The following UBE2B variants were observed in gnomAD, a reference collection of about 807,000 sequenced individuals.
UBE2B encodes the protein ubiquitin conjugating enzyme E2 B.
A neutral mutation model predicts 24.6 loss-of-function variants in UBE2B; 11 were observed. That is an observed-to-expected ratio of 0.45 (90% CI 0.28 to 0.74). The LOEUF is 0.74. Ranked by LOEUF, UBE2B falls within the 30% of genes least tolerant of loss-of-function variation. The pLI is 0.13. For missense variants in UBE2B, 78 were observed against 185.6 expected (o/e 0.42, Z 3.37); for synonymous variants, 68 against 62.4 (o/e 1.09, Z -0.42).
At chr5:134,371,959 C>T (rs1446802499) in intron 1 of UBE2B, among the ~76,000 whole-genome samples, 1 of 152,246 alleles carries the variant, frequency 6.6e-6, no homozygotes, top group Admixed American at 6.5e-5. Flanking sequence ...TCCGCCCGCC[C>T]CTGCACCCTG....
At chr5:134,389,187 ATCCGCCCG>A (rs2149694300) in intron 5 of UBE2B, 1 of 171,114 alleles carries the variant, frequency 5.8e-6, no homozygotes, top group Admixed American at 6.0e-5. Context: ...TGACCTCATG[ATCCGCCCG>A]TCTGAGCCTC....
chr5:134,376,348 A>AAAAAATATATATATATATATATAT (rs1554114145), intron 2 of UBE2B, among the ~76,000 whole-genome samples: 2 of 4,776 alleles, frequency 4.2e-4, no homozygotes, highest in Non-Finnish European at 5.5e-4. Context: ...AAAAAAAAAA[A>AAAAAATATATATATATATATATAT]ATATATATAT....
chr5:134,383,476 T>C (rs1474152301), intron 4 of UBE2B, among the ~76,000 whole-genome samples: 1 of 131,030 alleles, frequency 7.6e-6, no homozygotes, highest in African/African-American at 3.0e-5. Flanking sequence ...TACCCAGCTT[T>C]TTTTTTTTTT....
intron 2 of UBE2B, among the ~76,000 whole-genome samples, chr5:134,376,347 AAATATATAT>A (rs1304457606): frequency 1.8e-5 from 1 of 54,858 alleles, no homozygotes; most frequent in Non-Finnish European, 3.7e-5. Context: ...AAAAAAAAAA[AAATATATAT>A]ATATATATAC....
At chr5:134,386,203 C>T (rs1758798576) in intron 4 of UBE2B, among the ~76,000 whole-genome samples, 1 of 149,684 alleles carries the variant, frequency 6.7e-6, no homozygotes, top group Non-Finnish European at 1.5e-5. Flanking sequence ...TTGTACATGC[C>T]TGTGATCCCA....
chr5:134,390,458 GAAAAA>G lies in UBE2B; in HGVS notation c.*109_*113del. On this transcript the variant is annotated 3_prime_UTR_variant, in exon 6 of 6. Coordinates refer to ENST00000265339, the MANE Select transcript of UBE2B (RefSeq NM_003337.4). The surrounding 1 kb of genome is among the most constrained non-coding windows in gnomAD (Gnocchi z 4.6). ...TGCCACAGGTTTTAAGGATTCTGCAGAAAAAAAAGAAAAAAGTCCTTCAGTTTAGA... is the reference window on the plus strand; with the variant it reads ...TGCCACAGGTTTTAAGGATTCTGCAGAAAGAAAAAAGTCCTTCAGTTTAGA... 1.4e-6 allele frequency: 2 copies of G among 1,392,818 alleles called. No homozygotes were observed. The highest frequency in any genetic ancestry group is 2.0e-6 in the Non-Finnish European group (2 of 1,016,896). The allele number at this position is 1,392,818 out of a possible 1,614,324, so 86.3% of individuals were successfully genotyped here.
intron 1 of UBE2B, 56 bp from the exon 2 acceptor site, chr5:134,374,327 G>C: frequency 6.7e-7 from 1 of 1,494,452 alleles, no homozygotes; most frequent in Non-Finnish European, 9.1e-7. Context: ...GTGTTTACGT[G>C]GCCTCCTTAG....
intron 4 of UBE2B, among the ~76,000 whole-genome samples, chr5:134,387,319 C>T (rs933240923): frequency 1.6e-4 from 24 of 152,078 alleles, no homozygotes; most frequent in African/African-American, 5.3e-4. Flanking sequence ...TGCATGTCCA[C>T]GTTTATTTCC....
intron 4 of UBE2B, among the ~76,000 whole-genome samples, chr5:134,385,977 C>T (rs1288084636): frequency 1.3e-5 from 2 of 151,030 alleles, no homozygotes; most frequent in African/African-American, 4.9e-5. Context: ...CACGCCACTG[C>T]ACTCCAGCCT....
At chr5:134,380,001 C>T (rs1424217853) in intron 3 of UBE2B, among the ~76,000 whole-genome samples, 7 of 152,158 alleles carry the variant, frequency 4.6e-5, no homozygotes, top group South Asian at 4.1e-4. Flanking sequence ...CAGCAACCTC[C>T]GCCTCCCAGG....
chr5:134,379,475 G>A (rs1758668700), intron 3 of UBE2B, among the ~76,000 whole-genome samples: 2 of 151,760 alleles, frequency 1.3e-5, no homozygotes, highest in South Asian at 2.1e-4. Context: ...GTGAAACGTC[G>A]TCTCTACTAA....
rs1273155160 is a variant in UBE2B, at chr5:134,390,361, C to A, written c.*8C>A. ...AGCTGGAATGATTCATAATAGACAA[C>A]TGGTCTGTTAATCTTTTTCATCATT... On this transcript the variant is annotated 3_prime_UTR_variant, in exon 6 of 6. Coordinates refer to ENST00000265339, the MANE Select transcript of UBE2B (RefSeq NM_003337.4). This position sits in a 1 kb window ranked among gnomAD's most constrained non-coding sequence, Gnocchi z 4.6. The A allele has an allele frequency of 1.2e-6, 2 of 1,613,610 alleles. No homozygotes were observed. Among genetic ancestry groups the A allele is most frequent in the Non-Finnish European group, 1.7e-6 (2 of 1,179,774 alleles).
At chr5:134,387,846 A>G (rs150004335) in intron 4 of UBE2B, among the ~76,000 whole-genome samples, 201 of 152,266 alleles carry the variant, frequency 1.3e-3, no homozygotes, top group African/African-American at 4.2e-3. Context: ...CCTGTCATCC[A>G]GGCTGGAGTG....
intron 2 of UBE2B, 199 bp downstream of exon 2, chr5:134,374,662 G>A (rs1245303879): frequency 1.0e-5 from 6 of 572,700 alleles, no homozygotes; most frequent in East Asian, 1.0e-4. Flanking sequence ...TGGGAGGATC[G>A]CTGGAGCCCA....
rs940215327 is a variant in UBE2B, at chr5:134,392,010, G to C, written c.*1657G>C. ...TTGGCAAATTCTGAGGTAAGTGTAT[G>C]ATCTTAGGGAACTTTGATACAAATG... On this transcript the variant is annotated 3_prime_UTR_variant, in exon 6 of 6. Coordinates refer to ENST00000265339, the MANE Select transcript of UBE2B (RefSeq NM_003337.4). 2 of 152,106 alleles carry C rather than the reference G, an allele frequency of 1.3e-5. No homozygotes were observed. The highest frequency in any genetic ancestry group is 2.1e-4 in the South Asian group (1 of 4,830). 9.4% of individuals were successfully genotyped at this position (152,106 alleles called of 1,614,324 possible). A position where few individuals can be genotyped will look rare whatever the true frequency, so the allele number is the denominator to read the frequency against.
At chr5:134,373,123 T>G (rs1175510385) in intron 1 of UBE2B, among the ~76,000 whole-genome samples, 1 of 152,190 alleles carries the variant, frequency 6.6e-6, no homozygotes, top group Non-Finnish European at 1.5e-5. Flanking sequence ...TTGAGTCTCC[T>G]GATCTGAGAG....
chr5:134,382,531 T>C (rs531658827), intron 4 of UBE2B, among the ~76,000 whole-genome samples: 1 of 151,874 alleles, frequency 6.6e-6, no homozygotes, highest in South Asian at 2.1e-4. Flanking sequence ...TCCAGCACTT[T>C]GGAAGGCTGA....
intron 4 of UBE2B, among the ~76,000 whole-genome samples, chr5:134,383,788 A>G (rs570738809): frequency 3.9e-5 from 6 of 152,050 alleles, no homozygotes; most frequent in African/African-American, 1.4e-4. Flanking sequence ...GATACTAATT[A>G]TTATTTTGAT....
At chr5:134,376,344 A>ATATATATACATATATATAT (rs1296902949) in intron 2 of UBE2B, among the ~76,000 whole-genome samples, 1 of 6,934 alleles carries the variant, frequency 1.4e-4, no homozygotes, top group Non-Finnish European at 3.8e-4. Context: ...AAAAAAAAAA[A>ATATATATACATATATATAT]AAAAATATAT....
Sources: gnomAD v4.1 joint callset for allele counts (sites outside exome capture counted in the v4.1 genomes callset) on GRCh38, gnomAD v4.1.1 for gene constraint, Gnocchi (gnomAD v3.1) non-coding constraint, MANE v1.5 for transcripts, NCBI Gene and HGNC (gene_info 2026-07-23, HGNC 2026-07-21) for gene names.